QDPR: variants seen among roughly 807,000 people sequenced by gnomAD.
The protein encoded by QDPR is dihydropteridine reductase.
QDPR carries 23 observed loss-of-function variants against 31.7 expected under a neutral mutation model. The ratio of observed to expected loss-of-function variants is 0.73; its 90% CI spans 0.52 to 1.03. The LOEUF is 1.03. Among genes scored for constraint, QDPR ranks in the 50% least tolerant of loss-of-function variants. The pLI is 0.00. For synonymous variants in QDPR, 124 were observed against 124.7 expected, an observed-to-expected ratio of 0.99 and a Z score of 0.03; for missense variants, 324 against 323.8, an observed-to-expected ratio of 1.00 and a Z score of 0.00.
intron 4 of QDPR, among the ~76,000 whole-genome samples, chr4:17,499,892 TG>T (rs1718498853): frequency 6.6e-6 from 1 of 152,090 alleles, no homozygotes; most frequent in Non-Finnish European, 1.5e-5. Flanking sequence ...CATTCCAGCC[TG>T]GGTGAGACCC....
intron 5 of QDPR, 50 bp from the exon 6 acceptor site, chr4:17,490,795 AC>A: frequency 6.8e-7 from 1 of 1,476,722 alleles, no homozygotes; most frequent in Non-Finnish European, 9.4e-7. Context: ...CTTTCTAACA[AC>A]AGGTGCCCAG....
chr4:17,507,474 A>G (rs1442530425), intron 2 of QDPR, among the ~76,000 whole-genome samples: 1 of 152,210 alleles, frequency 6.6e-6, no homozygotes, highest in Non-Finnish European at 1.5e-5. Context: ...GGATCCTTTG[A>G]GCCCAGGAGT....
chr4:17,491,388 G>A (rs1718159023), intron 5 of QDPR, among the ~76,000 whole-genome samples: 1 of 152,154 alleles, frequency 6.6e-6, no homozygotes, highest in Non-Finnish European at 1.5e-5. Flanking sequence ...TCCCTTTATA[G>A]GACCACAGGC....
At chr4:17,499,793 G>T (rs28449900) in intron 4 of QDPR, among the ~76,000 whole-genome samples, 6 of 152,086 alleles carry the variant, frequency 3.9e-5, no homozygotes, top group Non-Finnish European at 4.4e-5. Context: ...GGCAGTGTGT[G>T]TCTGCAGTCC....
intron 2 of QDPR, among the ~76,000 whole-genome samples, chr4:17,507,471 T>C: frequency 6.6e-6 from 1 of 152,168 alleles, no homozygotes; most frequent in Non-Finnish European, 1.5e-5. Context: ...GAAGGATCCT[T>C]TGAGCCCAGG....
chr4:17,506,639 G>C lies in QDPR; in HGVS notation c.199-2164C>G, dbSNP rs576008433. Among the ~76,000 whole-genome samples the C allele has an allele frequency of 2.0e-5, 3 of 152,326 alleles. No individual in the cohort carries two copies. In the South Asian group the frequency reaches 6.2e-4, roughly 32 times the overall value. ...AAAGGAGGATAAAATTAGAAGCTTT[G>C]TTTGGGGATGTAATGAAGACTACAC... On this transcript the variant is annotated intron_variant, in intron 2 of 6. Transcript: ENST00000281243.
At chr4:17,509,458 G>T in intron 1 of QDPR, 95 bp from the exon 2 acceptor site, 1 of 1,098,192 alleles carries the variant, frequency 9.1e-7, no homozygotes, top group Non-Finnish European at 1.4e-6. Flanking sequence ...CAGGTGTAGT[G>T]GTTCACGTCT....
chr4:17,501,958 G>T, intron 3 of QDPR, 99 bp from the exon 4 acceptor site: 1 of 1,423,766 alleles, frequency 7.0e-7, no homozygotes, highest in South Asian at 1.2e-5. Flanking sequence ...CCTCCCTCCT[G>T]GTCCCCAGGT....
chr4:17,498,224 G>A (rs889559465), intron 4 of QDPR, among the ~76,000 whole-genome samples: 1 of 152,164 alleles, frequency 6.6e-6, no homozygotes. Flanking sequence ...AGCGGGAGGT[G>A]GGGGGATGAC....
chr4:17,488,993 T>C (rs1042061695), intron 6 of QDPR, among the ~76,000 whole-genome samples: 1 of 152,228 alleles, frequency 6.6e-6, no homozygotes, highest in Admixed American at 6.5e-5. Flanking sequence ...CATGTTTTTT[T>C]GTTGTTTTGT....
chr4:17,510,432 A>C (rs747925151), intron 1 of QDPR, among the ~76,000 whole-genome samples: 33 of 152,212 alleles, frequency 2.2e-4, no homozygotes, highest in Non-Finnish European at 4.3e-4. Flanking sequence ...TCTTGGTCTG[A>C]AGTCCCCAGA....
chr4:17,504,622 C>A, intron 2 of QDPR, 147 bp from the exon 3 acceptor site: 2 of 733,198 alleles, frequency 2.7e-6, no homozygotes, highest in Non-Finnish European at 4.9e-6. Context: ...AGACGGAAGA[C>A]TAAGCTCTGA....
Position 17,492,237 on chromosome 4 carries a change from C to G in QDPR, c.540G>C (p.Val180=). The G allele has an allele frequency of 6.2e-7, 1 of 1,613,720 alleles. No homozygotes were observed. The highest frequency in any genetic ancestry group is 8.5e-7 in the Non-Finnish European group (1 of 1,179,820). ...GMPPGAAAIA[V]LPVTLDTPMN... is the part of the protein sequence containing the mutation. ...AGGGAACCCCAAGCACTTACGGGAGCACAGCGATGGCGGCTGCCCCGGGCG... is the reference window on the plus strand; with the variant it reads ...AGGGAACCCCAAGCACTTACGGGAGGACAGCGATGGCGGCTGCCCCGGGCG... Residue 180 remains valine (V), a synonymous_variant, in exon 5 of 7, where the codon GTG becomes GTC. Transcript: ENST00000281243.
chr4:17,511,034 C>G (rs1353409226), intron 1 of QDPR, among the ~76,000 whole-genome samples: 4 of 152,222 alleles, frequency 2.6e-5, no homozygotes, highest in Non-Finnish European at 5.9e-5. Flanking sequence ...ATCCATGTAA[C>G]TAAACTGTAC....
At chr4:17,496,818 G>T (rs142182564) in intron 4 of QDPR, among the ~76,000 whole-genome samples, 2 of 151,864 alleles carry the variant, frequency 1.3e-5, no homozygotes, top group African/African-American at 4.8e-5. Context: ...GTGCAGTGGC[G>T]CAATCTCGGC....
At chr4:17,503,974 G>A (rs926706599) in intron 3 of QDPR, among the ~76,000 whole-genome samples, 3 of 151,078 alleles carry the variant, frequency 2.0e-5, no homozygotes, top group African/African-American at 7.3e-5. Context: ...GGGAGTAGAG[G>A]GGAGGGGAGG....
At chr4:17,500,746 A>C (rs1291852897) in intron 4 of QDPR, among the ~76,000 whole-genome samples, 7 of 152,196 alleles carry the variant, frequency 4.6e-5, no homozygotes, top group Admixed American at 2.6e-4. Flanking sequence ...ACAGGTCATA[A>C]AAAATGCAAA....
intron 5 of QDPR, among the ~76,000 whole-genome samples, chr4:17,491,854 G>A (rs1470414774): frequency 3.3e-5 from 5 of 152,096 alleles, no homozygotes; most frequent in Admixed American, 2.6e-4. Context: ...CCTTTAGGAG[G>A]GGATTAGCAT....
chr4:17,511,727 G>A (rs1047282348), intron 1 of QDPR, among the ~76,000 whole-genome samples: 24 of 152,258 alleles, frequency 1.6e-4, no homozygotes, highest in African/African-American at 5.3e-4. Context: ...GAGGCCCACG[G>A]AGCACCTCCT....
Sources: gnomAD v4.1 joint callset for allele counts (sites outside exome capture counted in the v4.1 genomes callset) on GRCh38, gnomAD v4.1.1 for gene constraint, MANE v1.5 for transcripts, NCBI Gene and HGNC (gene_info 2026-07-23, HGNC 2026-07-21) for gene names.